Variants in LRIG1 observed in about 807,000 individuals in gnomAD.
LRIG1 encodes leucine rich repeats and immunoglobulin like domains 1, also known as leucine-rich repeats and immunoglobulin-like domains protein 1.
In LRIG1, 48 loss-of-function variants were observed where a neutral mutation model predicts 99.2. The ratio of observed to expected loss-of-function variants is 0.48; its 90% CI spans 0.38 to 0.62. The LOEUF (loss-of-function observed/expected upper bound fraction) is 0.62. LRIG1 is among the 20% of genes least tolerant of loss of function. The pLI is 0.00. For missense variants in LRIG1, 1,646 were observed against 1,434.4 expected (o/e 1.15, Z -2.38); for synonymous variants, 772 against 596.1 (o/e 1.29, Z -4.30).
chr3:66,464,726 G>A (rs890958136), intron 1 of LRIG1, among the ~76,000 whole-genome samples: 2 of 152,118 alleles, frequency 1.3e-5, no homozygotes, highest in Non-Finnish European at 2.9e-5. Context: ...TCTGAAATGA[G>A]ATAACTTCCC....
chr3:66,411,591 TCA>T (rs1409563288), intron 6 of LRIG1, among the ~76,000 whole-genome samples: 1 of 152,148 alleles, frequency 6.6e-6, no homozygotes, highest in Non-Finnish European at 1.5e-5. Flanking sequence ...TCCTCACTGT[TCA>T]CAGAGTAGGG....
chr3:66,379,428 T>G lies in LRIG1; in HGVS notation c.*835A>C, dbSNP rs774536575. The G allele has an allele frequency of 1.3e-5, 2 of 152,134 alleles. No individual in the cohort carries two copies. The highest frequency in any genetic ancestry group is 2.9e-5 in the Non-Finnish European group (2 of 68,028). The allele number at this position is 152,134 out of a possible 1,614,324, so 9.4% of individuals were successfully genotyped here. On this transcript the variant is annotated 3_prime_UTR_variant, in exon 19 of 19. Transcript: ENST00000273261. Reference sequence around the variant, plus strand: ...TCCACAGGTACCAACACCAGCAGCCTTTACCTTAATTTAAAAGTCTCAAAT... The same window carrying G: ...TCCACAGGTACCAACACCAGCAGCCGTTACCTTAATTTAAAAGTCTCAAAT...
intron 9 of LRIG1, among the ~76,000 whole-genome samples, chr3:66,399,787 A>G (rs1246206991): frequency 6.6e-6 from 1 of 151,786 alleles, no homozygotes; most frequent in African/African-American, 2.4e-5. Context: ...ACAAACAAAA[A>G]CCCCCAAACT....
At chr3:66,407,305 C>T in intron 8 of LRIG1, 43 bp downstream of exon 8, 1 of 1,611,478 alleles carries the variant, frequency 6.2e-7, no homozygotes, top group Non-Finnish European at 8.5e-7. Context: ...TTCTGCTCTC[C>T]CCACTGGGGA....
intron 1 of LRIG1, among the ~76,000 whole-genome samples, chr3:66,494,043 T>C (rs1246474038): frequency 5.3e-5 from 8 of 151,082 alleles, no homozygotes; most frequent in Non-Finnish European, 1.2e-4. Context: ...GGAAGGAATC[T>C]GGCTTGGAGA....
At chr3:66,452,051 G>A (rs1012232015) in intron 2 of LRIG1, among the ~76,000 whole-genome samples, 3 of 152,154 alleles carry the variant, frequency 2.0e-5, no homozygotes, top group South Asian at 2.1e-4. Flanking sequence ...AGAGACTCAC[G>A]CCCTGGCTCA....
chr3:66,438,979 T>G (rs539662434), intron 3 of LRIG1, among the ~76,000 whole-genome samples: 3 of 152,202 alleles, frequency 2.0e-5, no homozygotes, highest in Non-Finnish European at 2.9e-5. Context: ...TTCCAGGGAA[T>G]GGGGGAAAGT....
intron 11 of LRIG1, among the ~76,000 whole-genome samples, chr3:66,394,461 G>C (rs1056026619): frequency 6.6e-6 from 1 of 152,172 alleles, no homozygotes; most frequent in Non-Finnish European, 1.5e-5. Flanking sequence ...ACAAGTTCAC[G>C]TATCATGCTG....
At chr3:66,442,552 G>A (rs1333821845) in intron 3 of LRIG1, among the ~76,000 whole-genome samples, 1 of 152,150 alleles carries the variant, frequency 6.6e-6, no homozygotes, top group Non-Finnish European at 1.5e-5. Flanking sequence ...TGCAATGACA[G>A]AGCAGCTCCG....
At chr3:66,439,576 A>T (rs573665009) in intron 3 of LRIG1, among the ~76,000 whole-genome samples, 10 of 96,364 alleles carry the variant, frequency 1.0e-4, no homozygotes, top group African/African-American at 3.5e-4. Flanking sequence ...TTTTTTTTTT[A>T]AAAAGAGCCA....
chr3:66,430,704 C>G (rs1703142385), intron 3 of LRIG1, among the ~76,000 whole-genome samples: 1 of 152,126 alleles, frequency 6.6e-6, no homozygotes, highest in Non-Finnish European at 1.5e-5. Context: ...CTGGGCATGG[C>G]AAAGCAGTAC....
At chr3:66,396,569 A>C (rs1295945914) in intron 11 of LRIG1, among the ~76,000 whole-genome samples, 2 of 152,234 alleles carry the variant, frequency 1.3e-5, no homozygotes, top group Admixed American at 1.3e-4. Context: ...AGGTATATGC[A>C]GCAACGATGG....
At chr3:66,471,691 G>T (rs894328104) in intron 1 of LRIG1, among the ~76,000 whole-genome samples, 2 of 152,186 alleles carry the variant, frequency 1.3e-5, no homozygotes, top group African/African-American at 4.8e-5. Flanking sequence ...GGCAGAAAAC[G>T]GAGACTTTTG....
At chr3:66,425,266 T>C (rs1306440114) in intron 3 of LRIG1, among the ~76,000 whole-genome samples, 3 of 152,214 alleles carry the variant, frequency 2.0e-5, no homozygotes, top group Non-Finnish European at 4.4e-5. Flanking sequence ...CTTGGCTAAA[T>C]CTGAACATTA....
chr3:66,481,704 C>T (rs1355230125), intron 1 of LRIG1, among the ~76,000 whole-genome samples: 1 of 152,210 alleles, frequency 6.6e-6, no homozygotes, highest in Non-Finnish European at 1.5e-5. Context: ...ACCTTTAAAA[C>T]CTTTACAGGA....
Position 66,380,447 on chromosome 3 carries a change from GAGTCCGGGTGATACAACCTTGCTAA to G in LRIG1, c.3073_3097del (p.Leu1025ProfsTer10). 1 of 1,614,186 alleles carries G rather than the reference GAGTCCGGGTGATACAACCTTGCTAA, an allele frequency of 6.2e-7. No individual in the cohort carries two copies. Among genetic ancestry groups the G allele is most frequent in the Non-Finnish European group, 8.5e-7 (1 of 1,180,022 alleles). On this transcript the variant is annotated frameshift_variant, in exon 19 of 19. Coordinates refer to ENST00000273261, the MANE Select transcript of LRIG1 (RefSeq NM_015541.3). LOFTEE classifies it low-confidence loss of function (END_TRUNC). ...TGAAGATGCAGGCTGTAGCTCTGTG[GAGTCCGGGTGATACAACCTTGCTAA>G]AGTCCAGGAAGAATCCCCTACAAGG...
At chr3:66,429,893 A>G (rs572945844) in intron 3 of LRIG1, among the ~76,000 whole-genome samples, 5 of 151,934 alleles carry the variant, frequency 3.3e-5, no homozygotes, top group Admixed American at 1.3e-4. Flanking sequence ...CAACTGCTAT[A>G]AAAGTCCATT....
At chr3:66,441,590 C>T (rs1703541036) in intron 3 of LRIG1, among the ~76,000 whole-genome samples, 1 of 152,172 alleles carries the variant, frequency 6.6e-6, no homozygotes, top group Non-Finnish European at 1.5e-5. Flanking sequence ...GCTTTTAAAG[C>T]AAGGGCATTA....
At chr3:66,415,873 A>G (rs1015037235) in intron 4 of LRIG1, among the ~76,000 whole-genome samples, 4 of 152,192 alleles carry the variant, frequency 2.6e-5, no homozygotes, top group African/African-American at 4.8e-5. Context: ...GCCTTCCCCA[A>G]ACAAATGCTG....
Sources: allele counts gnomAD v4.1 joint callset (sites outside exome capture counted in the v4.1 genomes callset), GRCh38; gene constraint gnomAD v4.1.1; transcripts MANE v1.5; gene names NCBI Gene and HGNC (gene_info 2026-07-23, HGNC 2026-07-21).